The following PDE6A variants were observed in gnomAD, a reference collection of about 807,000 sequenced individuals.
PDE6A encodes the protein phosphodiesterase 6A.
A neutral mutation model predicts 106.3 loss-of-function variants in PDE6A; 84 were observed. The ratio of observed to expected loss-of-function variants is 0.79; its 90% CI spans 0.66 to 0.95. The LOEUF (loss-of-function observed/expected upper bound fraction) is 0.95, where lower values mean the gene tolerates loss of function less well. Among genes scored for constraint, PDE6A ranks in the 40% least tolerant of loss-of-function variants. PDE6A has a pLI of 0.00. For synonymous variants in PDE6A, 394 were observed against 386.6 expected, an observed-to-expected ratio of 1.02 and a Z score of -0.23; for missense variants, 1,052 against 1,084.9, an observed-to-expected ratio of 0.97 and a Z score of 0.43.
At chr5:149,899,204 G>C (rs1247047713) in intron 9 of PDE6A, among the ~76,000 whole-genome samples, 171 bp downstream of exon 9, 1 of 152,162 alleles carries the variant, frequency 6.6e-6, no homozygotes, top group South Asian at 2.1e-4. Context: ...GGATTTCTCT[G>C]ACAGCACATC....
chr5:149,914,655 C>CAA (rs5872151), intron 6 of PDE6A, among the ~76,000 whole-genome samples: 5,110 of 138,564 alleles, frequency 0.037, 133 homozygotes, highest in African/African-American at 0.062. Context: ...ATCCTTACAC[C>CAA]AAAAAAAAAA....
At chr5:149,944,130 C>A (rs1478176985) in intron 1 of PDE6A, 70 bp downstream of exon 1, 1 of 1,239,816 alleles carries the variant, frequency 8.1e-7, no homozygotes. Context: ...CAATGCCCCT[C>A]ACCCCACCTG....
rs143633735 is a variant in PDE6A, at chr5:149,930,304, T to C, written c.858+724A>G. ...CACTCAATCCAATATATTTGGAGAG[T>C]CTGCATTGGTCTGGGCACCACCCTC... On this transcript the variant is annotated intron_variant, in intron 4 of 21. Coordinates refer to ENST00000255266, the MANE Select transcript of PDE6A (RefSeq NM_000440.3). Among the ~76,000 whole-genome samples, 77 of 152,118 alleles carry C rather than the reference T, an allele frequency of 5.1e-4. 2 individuals are homozygous for C. In the East Asian group the frequency reaches 0.013, roughly 26 times the overall value.
At chr5:149,922,459 G>A (rs1753751605) in intron 4 of PDE6A, among the ~76,000 whole-genome samples, 1 of 151,968 alleles carries the variant, frequency 6.6e-6, no homozygotes, top group Non-Finnish European at 1.5e-5. Context: ...TTACAGGTGT[G>A]TGCCACCACA....
Position 149,863,824 on chromosome 5 carries a change from A to G in PDE6A, c.2359-558T>C, listed in dbSNP as rs865795765. On this transcript the variant is annotated intron_variant, in intron 20 of 21. Transcript: ENST00000255266. The surrounding 1 kb of genome is among the most constrained non-coding windows in gnomAD (Gnocchi z 4.7). ...ATTTTTGTAGATACAGGGTCTCCCTATGTTGCCTAGGCTGGTCTCAAGCTC... is the reference window on the plus strand; with the variant it reads ...ATTTTTGTAGATACAGGGTCTCCCTGTGTTGCCTAGGCTGGTCTCAAGCTC... Among the ~76,000 whole-genome samples, 20 of 151,968 alleles carry G rather than the reference A, an allele frequency of 1.3e-4. No homozygotes were observed. The highest frequency in any genetic ancestry group is 3.4e-4 in the African/African-American group (14 of 41,366).
At chr5:149,931,673 C>T (rs1754040503) in intron 3 of PDE6A, among the ~76,000 whole-genome samples, 2 of 152,164 alleles carry the variant, frequency 1.3e-5, no homozygotes, top group African/African-American at 2.4e-5. Context: ...AACAAAACTG[C>T]TTACAGTGTT....
At chr5:149,872,511 A>G (rs941523608) in intron 17 of PDE6A, among the ~76,000 whole-genome samples, 3 of 152,118 alleles carry the variant, frequency 2.0e-5, no homozygotes, top group African/African-American at 7.2e-5. Flanking sequence ...TCCCCAAGGC[A>G]AATGTTTCTT....
chr5:149,890,498 A>T (rs1384354708), intron 13 of PDE6A, among the ~76,000 whole-genome samples: 1 of 152,184 alleles, frequency 6.6e-6, no homozygotes, highest in Non-Finnish European at 1.5e-5. Flanking sequence ...AACTGTATAA[A>T]ATTCATAGAA....
intron 21 of PDE6A, 79 bp from the exon 22 acceptor site, chr5:149,861,050 A>G (rs1409132571): frequency 7.6e-7 from 1 of 1,324,046 alleles, no homozygotes; most frequent in South Asian, 1.2e-5. Context: ...ATTTGGACCA[A>G]GAGTTGCAAA....
At chr5:149,928,231 A>ATATATATATTTTT in intron 4 of PDE6A, among the ~76,000 whole-genome samples, 1 of 19,746 alleles carries the variant, frequency 5.1e-5, no homozygotes, top group Admixed American at 5.8e-4. Flanking sequence ...ATATATATAT[A>ATATATATATTTTT]TTTTTTTTTT....
Position 149,896,695 on chromosome 5 carries a change from C to T in PDE6A, c.1473+16G>A. On this transcript the variant is annotated intron_variant, in intron 11 of 21. Transcript: ENST00000255266. The stretch of plus-strand genomic sequence containing the variant: ...TTGTTATACATCGGGGCTCGTGCTG[C>T]CCCGGTTCAGCTCACCAGGATCTCA... 9 of 1,614,106 alleles carry T rather than the reference C, an allele frequency of 5.6e-6. No individual in the cohort carries two copies. The highest frequency in any genetic ancestry group is 7.6e-6 in the Non-Finnish European group (9 of 1,180,040).
rs1416786160 is a variant in PDE6A at position 149,866,242 on chromosome 5, G to A, written c.2286C>T (p.Asp762=). 2.5e-6 allele frequency: 4 copies of A among 1,613,530 alleles called. No homozygotes were observed. Among genetic ancestry groups the A allele is most frequent in the Non-Finnish European group, 2.5e-6 (3 of 1,179,530 alleles). ...TAGGGAGTTCATCTGCTTTGTTTCT[G>A]TCCATCATGGGCTGTCATGGGGGAG... is the stretch of plus-strand genomic sequence containing the variant. The part of the protein sequence containing the change: ...VLQQNPIPMM[D]RNKADELPKL... The change falls in exon 20 of 22, where the codon GAC becomes GAT. Residue 762 remains aspartate (D), a synonymous_variant. Coordinates refer to ENST00000255266, the MANE Select transcript of PDE6A (RefSeq NM_000440.3).
At chr5:149,895,083 A>T in intron 13 of PDE6A, 100 bp downstream of exon 13, 1 of 784,046 alleles carries the variant, frequency 1.3e-6, no homozygotes, top group Non-Finnish European at 2.3e-6. Context: ...GACAATAAAT[A>T]AAGAAAGAAG....
chr5:149,876,349 C>CTTT (rs896643767), intron 17 of PDE6A, among the ~76,000 whole-genome samples: 5 of 120,110 alleles, frequency 4.2e-5, no homozygotes, highest in Admixed American at 8.5e-5. Context: ...CATTTTTCCT[C>CTTT]TTTTTTTTTT....
chr5:149,924,856 G>A (rs1561774833), intron 4 of PDE6A, among the ~76,000 whole-genome samples: 3 of 152,172 alleles, frequency 2.0e-5, no homozygotes. Flanking sequence ...AAGAAGCTGA[G>A]CCAAGCTTAC....
At chr5:149,895,813 AAAG>A (rs1488664690) in intron 12 of PDE6A, among the ~76,000 whole-genome samples, 2 of 152,104 alleles carry the variant, frequency 1.3e-5, no homozygotes, top group African/African-American at 4.8e-5. Flanking sequence ...AGAGAGAGAA[AAAG>A]AAGAATGTGA....
At chr5:149,933,100 C>T (rs1754090750) in intron 3 of PDE6A, among the ~76,000 whole-genome samples, 1 of 152,188 alleles carries the variant, frequency 6.6e-6, no homozygotes, top group South Asian at 2.1e-4. Flanking sequence ...TCAGGCAATT[C>T]TCCCATCTCA....
At chr5:149,913,667 G>T (rs903264704) in intron 6 of PDE6A, among the ~76,000 whole-genome samples, 1 of 152,058 alleles carries the variant, frequency 6.6e-6, no homozygotes, top group Non-Finnish European at 1.5e-5. Flanking sequence ...TAAGACTAAA[G>T]GTGTGGCTCT....
intron 13 of PDE6A, among the ~76,000 whole-genome samples, chr5:149,888,261 T>C (rs550939739): frequency 1.3e-5 from 2 of 152,132 alleles, no homozygotes; most frequent in Non-Finnish European, 2.9e-5. Context: ...CAGTGACAGA[T>C]TGTACTATGG....
Sources: gnomAD v4.1 joint callset for allele counts (sites outside exome capture counted in the v4.1 genomes callset) on GRCh38, gnomAD v4.1.1 for gene constraint, Gnocchi (gnomAD v3.1) non-coding constraint, MANE v1.5 for transcripts, NCBI Gene and HGNC (gene_info 2026-07-23, HGNC 2026-07-21) for gene names.